Variants in UBE2D3 observed in about 807,000 individuals in gnomAD.
The protein encoded by UBE2D3 is ubiquitin-conjugating enzyme E2 D3.
UBE2D3 carries 2 observed loss-of-function variants against 22.8 expected under a neutral mutation model. The ratio of observed to expected loss-of-function variants is 0.09; its 90% CI spans 0.04 to 0.28. The LOEUF (loss-of-function observed/expected upper bound fraction) is 0.28. Ranked by LOEUF, UBE2D3 falls within the 10% of genes least tolerant of loss-of-function variation. The probability of loss-of-function intolerance (pLI) is 1.00; values close to 1 mark genes in which losing one functional copy is unlikely to be tolerated. For missense variants in UBE2D3, 27 were observed against 182.5 expected (o/e 0.15, Z 4.91); for synonymous variants, 56 against 60.4 (o/e 0.93, Z 0.34).
At chr4:102,868,868 C>G (rs1733320370) in exon 1 of UBE2D3, 1 of 1,527,070 alleles carries the variant, frequency 6.5e-7, no homozygotes, top group Admixed American at 1.8e-5. Context: ...CGCTACCCGC[C>G]AGTTCCCGCG....
At chr4:102,862,431 C>T (rs1241534873) in intron 1 of UBE2D3, among the ~76,000 whole-genome samples, 1 of 151,902 alleles carries the variant, frequency 6.6e-6, no homozygotes, top group Non-Finnish European at 1.5e-5. Context: ...TTTGTTAAAG[C>T]ATATTAGTTG....
chr4:102,811,734 G>A (rs1728071906), intron 2 of UBE2D3: 3 of 433,214 alleles, frequency 6.9e-6, no homozygotes, highest in Non-Finnish European at 1.4e-5. Context: ...CCAAGTACTA[G>A]AAAGCAAAAG....
intron 2 of UBE2D3, among the ~76,000 whole-genome samples, chr4:102,823,274 TCC>T (rs1382502672): frequency 6.6e-6 from 1 of 152,200 alleles, no homozygotes; most frequent in Non-Finnish European, 1.5e-5. Context: ...TAGGTTCTAA[TCC>T]CAACTGTCAC....
chr4:102,850,619 G>A (rs1286388986), intron 1 of UBE2D3, among the ~76,000 whole-genome samples: 1 of 152,018 alleles, frequency 6.6e-6, no homozygotes, highest in Non-Finnish European at 1.5e-5. Context: ...AGAGTGACTC[G>A]GTCAGACTTG....
intron 2 of UBE2D3, among the ~76,000 whole-genome samples, chr4:102,816,963 AG>A (rs1728862399): frequency 6.6e-6 from 1 of 152,248 alleles, no homozygotes. Context: ...CTTAAAATAA[AG>A]GGACTCAAAT....
intron 1 of UBE2D3, among the ~76,000 whole-genome samples, chr4:102,856,332 A>T (rs1560893088): frequency 6.6e-6 from 1 of 152,186 alleles, no homozygotes; most frequent in Non-Finnish European, 1.5e-5. Flanking sequence ...GCGCCACTGC[A>T]CTCCCGTCTG....
upstream of UBE2D3, among the ~76,000 whole-genome samples, chr4:102,831,048 T>G (rs1731089806): frequency 6.6e-6 from 1 of 152,244 alleles, no homozygotes. Flanking sequence ...TACTTAATAT[T>G]GTATCTATGT....
chr4:102,837,277 T>G (rs1157518129), intron 1 of UBE2D3, among the ~76,000 whole-genome samples: 2 of 152,222 alleles, frequency 1.3e-5, no homozygotes, highest in Non-Finnish European at 2.9e-5. Flanking sequence ...AACACAGCCA[T>G]TATTAAAAAT....
chr4:102,815,776 T>G (rs558076757), intron 2 of UBE2D3, among the ~76,000 whole-genome samples: 5 of 152,324 alleles, frequency 3.3e-5, no homozygotes, highest in African/African-American at 9.6e-5. Context: ...ATCAAAGAGA[T>G]AAAATCAGCC....
chr4:102,844,334 C>A (rs1731927166), intron 1 of UBE2D3, among the ~76,000 whole-genome samples: 1 of 152,054 alleles, frequency 6.6e-6, no homozygotes, highest in South Asian at 2.1e-4. Context: ...TGCCTTGGTC[C>A]CCCTAAGTGC....
chr4:102,813,478 T>C (rs1418886774), intron 2 of UBE2D3, among the ~76,000 whole-genome samples: 1 of 152,180 alleles, frequency 6.6e-6, no homozygotes, highest in East Asian at 1.9e-4. Flanking sequence ...AGATTGGCAT[T>C]AAGTAAAATG....
chr4:102,800,926 C>G (rs560511703), intron 6 of UBE2D3, among the ~76,000 whole-genome samples: 39 of 151,994 alleles, frequency 2.6e-4, no homozygotes, highest in African/African-American at 8.9e-4. Context: ...ATTAAGAGAC[C>G]AGAATTGATC....
intron 1 of UBE2D3, among the ~76,000 whole-genome samples, chr4:102,860,921 G>C (rs888313730): frequency 6.6e-6 from 1 of 151,912 alleles, no homozygotes. Flanking sequence ...CTATGGTGGA[G>C]TCTGCAAGCC....
At chr4:102,861,349 G>A (rs1732892368) in intron 1 of UBE2D3, among the ~76,000 whole-genome samples, 1 of 151,936 alleles carries the variant, frequency 6.6e-6, no homozygotes, top group Non-Finnish European at 1.5e-5. Context: ...GGGTTTGAGG[G>A]CTGGAACCTA....
chr4:102,842,868 G>A (rs947619652), intron 1 of UBE2D3, among the ~76,000 whole-genome samples: 1 of 152,104 alleles, frequency 6.6e-6, no homozygotes, highest in African/African-American at 2.4e-5. Context: ...CCAGCACTTC[G>A]GGAGGCTGAG....
intron 1 of UBE2D3, among the ~76,000 whole-genome samples, chr4:102,849,151 T>C (rs1420683603): frequency 6.6e-6 from 1 of 151,768 alleles, no homozygotes; most frequent in Non-Finnish European, 1.5e-5. Flanking sequence ...GAGGATGGCT[T>C]GAGCCCAGGA....
rs755509145 is a variant in UBE2D3, at chr4:102,859,662, G to A, written c.-129+9053C>T. Among the ~76,000 whole-genome samples, 20 of 151,586 alleles carry A rather than the reference G, an allele frequency of 1.3e-4. 1 individual carries two copies. The highest frequency in any genetic ancestry group is 2.0e-4 in the Admixed American group (3 of 15,172). On this transcript the variant is annotated intron_variant, in intron 1 of 7. Coordinates refer to the UBE2D3 transcript ENST00000338145. ...GCTTGCTCTACCACTTCTATAATGC[G>A]CATATTGGTTTAGAGTCCTGTAGGC... is the stretch of plus-strand genomic sequence containing the variant.
intron 2 of UBE2D3, chr4:102,825,755 TCCACCC>T (rs1317152221): frequency 2.1e-6 from 1 of 476,818 alleles, no homozygotes; most frequent in Non-Finnish European, 4.1e-6. Flanking sequence ...GCACCCCTTA[TCCACCC>T]CCACTCTCCA....
rs1725779998 is a variant in UBE2D3 at position 102,799,493 on chromosome 4, T to C, written c.312A>G (p.Leu104=). 5.0e-6 allele frequency: 8 copies of C among 1,607,822 alleles called. No homozygotes were observed. Among genetic ancestry groups the C allele is most frequent in the Non-Finnish European group, 6.8e-6 (8 of 1,176,548 alleles). The change falls in exon 7 of 8, where the codon TTA becomes TTG. Residue 104 remains leucine (L), a synonymous_variant. Transcript: ENST00000453744. ...SPALTISKVL[L]SICSLLCDPN... ...GATCACATAGCAGTGAACAAATGGA[T>C]AAAAGAACTGCAAGAAAACAAAAAC...
Sources: gnomAD v4.1 joint callset for allele counts (sites outside exome capture counted in the v4.1 genomes callset) on GRCh38, gnomAD v4.1.1 for gene constraint, MANE v1.5 for transcripts, NCBI Gene and HGNC (gene_info 2026-07-23, HGNC 2026-07-21) for gene names.